The following UTRN variants were observed in gnomAD, a reference collection of about 807,000 sequenced individuals.
UTRN encodes dystrophin-related protein 1.
A neutral mutation model predicts 463.9 loss-of-function variants in UTRN; 283 were observed. That is an observed-to-expected ratio of 0.61 (90% CI 0.55 to 0.67). UTRN has a LOEUF of 0.67. Among genes scored for constraint, UTRN ranks in the 30% least tolerant of loss-of-function variants. The probability of loss-of-function intolerance (pLI) is 0.00; values close to 1 mark genes in which losing one functional copy is unlikely to be tolerated. For synonymous variants in UTRN, 1,442 were observed against 1,431.5 expected (o/e 1.01, Z -0.17); for missense variants, 3,922 against 4,084.3 (o/e 0.96, Z 1.08).
chr6:144,679,777 A>AT (rs893261118), intron 52 of UTRN, among the ~76,000 whole-genome samples: 3 of 151,750 alleles, frequency 2.0e-5, no homozygotes, highest in East Asian at 1.9e-4. Flanking sequence ...ATGAATTAAA[A>AT]TTTTTTTTTC....
At chr6:144,531,922 G>T (rs1010975271) in intron 42 of UTRN, among the ~76,000 whole-genome samples, 1 of 152,056 alleles carries the variant, frequency 6.6e-6, no homozygotes, top group East Asian at 1.9e-4. Flanking sequence ...CGGATTATGA[G>T]GTCAGGAGAT....
intron 52 of UTRN, among the ~76,000 whole-genome samples, chr6:144,687,812 G>A (rs957481361): frequency 1.3e-5 from 2 of 152,174 alleles, no homozygotes; most frequent in African/African-American, 4.8e-5. Context: ...TAGATAGCCT[G>A]ATGACTATAT....
chr6:144,787,808 G>T (rs1375735956), intron 61 of UTRN, among the ~76,000 whole-genome samples: 3 of 152,080 alleles, frequency 2.0e-5, no homozygotes. Flanking sequence ...TAAACTTTTA[G>T]TTATAGGTTT....
chr6:144,485,898 A>G (rs1005372484), intron 28 of UTRN, among the ~76,000 whole-genome samples: 2 of 152,196 alleles, frequency 1.3e-5, no homozygotes, highest in African/African-American at 4.8e-5. Context: ...CTGACAGTTT[A>G]TAGGGGATTC....
intron 9 of UTRN, among the ~76,000 whole-genome samples, chr6:144,434,721 A>C (rs1408673795): frequency 1.3e-5 from 2 of 152,124 alleles, no homozygotes; most frequent in Non-Finnish European, 2.9e-5. Flanking sequence ...CCTAGAACTT[A>C]ATTTTGAGGA....
chr6:144,832,439 G>A (rs552285267), intron 69 of UTRN, among the ~76,000 whole-genome samples: 38 of 152,158 alleles, frequency 2.5e-4, no homozygotes, highest in Non-Finnish European at 4.9e-4. Flanking sequence ...CTATATGTAT[G>A]TTGACAACAA....
At chr6:144,690,103 G>T (rs1401286073) in intron 52 of UTRN, among the ~76,000 whole-genome samples, 1,881 of 57,986 alleles carry the variant, frequency 0.032, 23 homozygotes, top group African/African-American at 0.076. Flanking sequence ...TTTTGTGTGT[G>T]TGTGTGTGTG....
chr6:144,596,339 AGT>A (rs1016035246), intron 51 of UTRN, among the ~76,000 whole-genome samples: 10 of 152,172 alleles, frequency 6.6e-5, no homozygotes, highest in African/African-American at 2.4e-4. Context: ...CAAACAGGGC[AGT>A]GAGAGTAGAG....
At chr6:144,691,826 A>G (rs1783448543) in intron 52 of UTRN, among the ~76,000 whole-genome samples, 1 of 152,156 alleles carries the variant, frequency 6.6e-6, no homozygotes, top group African/African-American at 2.4e-5. Flanking sequence ...TTTCTATTAT[A>G]TTCACCACCT....
At position 144,623,730 on chromosome 6, in the gene UTRN, G is replaced by A. The variant is rs560482376; in HGVS notation, c.7479+46442G>A. 7.9e-5 allele frequency among the ~76,000 whole-genome samples: 12 copies of A among 152,250 alleles called. No individual in the cohort carries two copies. In the South Asian group the frequency reaches 2.5e-3, roughly 32 times the overall value. Reference sequence around the variant, plus strand: ...TTGCTTTGTTAGTATTTAGATTTCAGTGCTTAAAAAATTATTCACGGGATT... The same window carrying A: ...TTGCTTTGTTAGTATTTAGATTTCAATGCTTAAAAAATTATTCACGGGATT... On this transcript the variant is annotated intron_variant, in intron 51 of 74. Transcript: ENST00000367545.
intron 17 of UTRN, 56 bp downstream of exon 17, chr6:144,448,825 A>G (rs1787955973): frequency 6.4e-7 from 1 of 1,565,046 alleles, no homozygotes; most frequent in African/African-American, 1.4e-5. Context: ...TATATTTTCT[A>G]CTTGGTGCCT....
chr6:144,403,276 A>C (rs1783086913), intron 3 of UTRN, 92 bp downstream of exon 3: 1 of 1,114,746 alleles, frequency 9.0e-7, no homozygotes, highest in Admixed American at 1.9e-5. Flanking sequence ...TCCCCAGGAA[A>C]TGTCACCTAG....
intron 68 of UTRN, 39 bp from the exon 69 acceptor site, chr6:144,828,751 A>C: frequency 1.3e-6 from 2 of 1,562,092 alleles, no homozygotes; most frequent in Non-Finnish European, 1.8e-6. Flanking sequence ...CATGTCCTAT[A>C]TGGCCATGTT....
Position 144,784,344 on chromosome 6 carries a change from T to C in UTRN, c.8834+2221T>C, listed in dbSNP as rs184288632. ...AGTTCTAGACACTGAGAGTGTGAGA[T>C]GAAGGTGTCGGCTGGGTTGAGTCTT... On this transcript the variant is annotated intron_variant, in intron 61 of 74. Coordinates refer to ENST00000367545, the MANE Select transcript of UTRN (RefSeq NM_007124.3). Among the ~76,000 whole-genome samples, 176 of 152,270 alleles carry C rather than the reference T, an allele frequency of 1.2e-3. 2 individuals carry two copies. The highest frequency in any genetic ancestry group is 2.0e-3 in the Non-Finnish European group (138 of 68,010).
chr6:144,495,517 G>T (rs572160116), intron 33 of UTRN, among the ~76,000 whole-genome samples: 1 of 152,194 alleles, frequency 6.6e-6, no homozygotes, highest in Non-Finnish European at 1.5e-5. Flanking sequence ...TCCCGCTCGC[G>T]CCTCTCCCTC....
At chr6:144,771,436 A>AT (rs1377194187) in intron 58 of UTRN, among the ~76,000 whole-genome samples, 2 of 151,654 alleles carry the variant, frequency 1.3e-5, no homozygotes, top group Non-Finnish European at 2.9e-5. Flanking sequence ...AATATTTTTT[A>AT]TTTTTTTGAG....
At chr6:144,411,891 A>G (rs1247536781) in intron 3 of UTRN, among the ~76,000 whole-genome samples, 1 of 152,072 alleles carries the variant, frequency 6.6e-6, no homozygotes, top group East Asian at 1.9e-4. Context: ...ATTCTTAAAG[A>G]GGACGGCTGA....
intron 60 of UTRN, among the ~76,000 whole-genome samples, chr6:144,778,605 C>CTAATAATAA (rs146368466): frequency 3.9e-4 from 58 of 148,722 alleles, no homozygotes; most frequent in African/African-American, 1.4e-3. Flanking sequence ...AGGGGAAATG[C>CTAATAATAA]TAATAATAAT....
chr6:144,657,324 A>T (rs1280875096), intron 51 of UTRN, among the ~76,000 whole-genome samples: 15 of 151,586 alleles, frequency 9.9e-5, no homozygotes, highest in Non-Finnish European at 2.2e-4. Flanking sequence ...TTGTTGCTGC[A>T]TAACTGTATA....
Sources: gnomAD v4.1 joint callset for allele counts (sites outside exome capture counted in the v4.1 genomes callset) on GRCh38, gnomAD v4.1.1 for gene constraint, MANE v1.5 for transcripts, NCBI Gene and HGNC (gene_info 2026-07-23, HGNC 2026-07-21) for gene names.